Variants in ZNF423 observed in about 807,000 individuals in gnomAD.
ZNF423 encodes Ebf-associated zinc finger protein.
In ZNF423, 12 loss-of-function variants were observed where a neutral mutation model predicts 95.8. The observed-to-expected ratio is 0.13, with a 90% CI of 0.08 to 0.20. The LOEUF is 0.20. Among genes scored for constraint, ZNF423 ranks in the 10% least tolerant of loss-of-function variants. The pLI, the probability that ZNF423 is intolerant of heterozygous loss-of-function variation, is 1.00. For synonymous variants in ZNF423, 749 were observed against 711.9 expected, an observed-to-expected ratio of 1.05 and a Z score of -0.83; for missense variants, 1,316 against 1,737.1, an observed-to-expected ratio of 0.76 and a Z score of 4.31.
At chr16:49,727,900 C>T (rs916807833) in intron 3 of ZNF423, among the ~76,000 whole-genome samples, 4 of 152,208 alleles carry the variant, frequency 2.6e-5, no homozygotes, top group Non-Finnish European at 5.9e-5. Context: ...GTCCAGCAGA[C>T]CCATCAGCCT....
chr16:49,727,793 A>T (rs2033063531), intron 3 of ZNF423, among the ~76,000 whole-genome samples: 1 of 152,152 alleles, frequency 6.6e-6, no homozygotes, highest in African/African-American at 2.4e-5. Flanking sequence ...TCCTACAGAA[A>T]CATCTGCAGG....
At chr16:49,617,626 C>T (rs34994871) in intron 5 of ZNF423, among the ~76,000 whole-genome samples, 7,424 of 152,232 alleles carry the variant, frequency 0.049, 225 homozygotes, top group Non-Finnish European at 0.07. Flanking sequence ...CTGGATCTCT[C>T]TCCCGAACCT....
At chr16:49,622,799 GGGAACTAGT>G (rs1370867233) in intron 5 of ZNF423, among the ~76,000 whole-genome samples, 1 of 152,192 alleles carries the variant, frequency 6.6e-6, no homozygotes, top group Non-Finnish European at 1.5e-5. Flanking sequence ...CTGTCAGATG[GGGAACTAGT>G]GCCCATGTAA....
chr16:49,750,004 T>A (rs1433029508), intron 2 of ZNF423, among the ~76,000 whole-genome samples: 1 of 152,204 alleles, frequency 6.6e-6, no homozygotes, highest in Non-Finnish European at 1.5e-5. Context: ...AAGGGCCATG[T>A]GGTGGAGAGT....
intron 4 of ZNF423, among the ~76,000 whole-genome samples, chr16:49,627,414 C>T (rs1409855550): frequency 1.5e-4 from 22 of 150,514 alleles, no homozygotes; most frequent in Admixed American, 1.5e-3. Context: ...CTCCACCCAT[C>T]CATCCATCCT....
chr16:49,601,306 G>A (rs148199803), intron 5 of ZNF423, among the ~76,000 whole-genome samples: 69 of 152,296 alleles, frequency 4.5e-4, no homozygotes, highest in African/African-American at 1.6e-3. Flanking sequence ...CTTCACCTCT[G>A]TATTCCTCAA....
chr16:49,798,518 C>T (rs189528712), intron 1 of ZNF423, among the ~76,000 whole-genome samples: 1 of 152,110 alleles, frequency 6.6e-6, no homozygotes, highest in Admixed American at 6.5e-5. Flanking sequence ...AGAAACAAAA[C>T]AAAATAAAAA....
Position 49,600,756 on chromosome 16 carries a change from G to C in ZNF423, c.3601+25414C>G, listed in dbSNP as rs149061915. On this transcript the variant is annotated intron_variant, in intron 5 of 7. Coordinates refer to ENST00000563137, the MANE Select transcript of ZNF423 (RefSeq NM_001379286.1). Reference sequence around the variant, plus strand: ...CCATTAGCTCGTAATGGCCCCGAAGGCTCCCTCGGCCACAGACCCAGGCCG... The same window carrying C: ...CCATTAGCTCGTAATGGCCCCGAAGCCTCCCTCGGCCACAGACCCAGGCCG... Among the ~76,000 whole-genome samples, 1,150 of 152,274 alleles carry C rather than the reference G, an allele frequency of 7.6e-3. 16 individuals are homozygous for C. The highest frequency in any genetic ancestry group is 0.026 in the African/African-American group (1,099 of 41,550).
chr16:49,656,190 A>G (rs1483235389), intron 3 of ZNF423, among the ~76,000 whole-genome samples: 2 of 152,188 alleles, frequency 1.3e-5, no homozygotes, highest in African/African-American at 2.4e-5. Context: ...ATGCAGACAG[A>G]GGAAGCTCTC....
chr16:49,631,724 G>C lies in ZNF423; in HGVS notation c.3516+3936C>G, dbSNP rs765619396. Among the ~76,000 whole-genome samples the C allele has an allele frequency of 4.6e-5, 7 of 152,220 alleles. 1 individual carries two copies. The South Asian group carries it at 6.2e-4, about 14-fold the overall frequency. On this transcript the variant is annotated intron_variant, in intron 4 of 7. Coordinates refer to ENST00000563137, the MANE Select transcript of ZNF423 (RefSeq NM_001379286.1). Reference sequence around the variant, plus strand: ...CAAGACAGGAAGGAGAGAAGGAAAAGCCAGCCAGAGCTGTTATATTTCCAT... The same window carrying C: ...CAAGACAGGAAGGAGAGAAGGAAAACCCAGCCAGAGCTGTTATATTTCCAT...
chr16:49,631,921 C>T (rs920301983), intron 4 of ZNF423, among the ~76,000 whole-genome samples: 5 of 152,166 alleles, frequency 3.3e-5, no homozygotes, highest in African/African-American at 1.2e-4. Flanking sequence ...AACTGGAATT[C>T]GATGCCCACT....
intron 7 of ZNF423, among the ~76,000 whole-genome samples, chr16:49,508,684 G>C (rs1214257432): frequency 3.9e-5 from 6 of 152,084 alleles, no homozygotes; most frequent in Non-Finnish European, 8.8e-5. Flanking sequence ...TATGTGAGGA[G>C]AGACCGGGTT....
At chr16:49,595,302 C>T (rs1045838296) in intron 5 of ZNF423, among the ~76,000 whole-genome samples, 2 of 152,236 alleles carry the variant, frequency 1.3e-5, no homozygotes, top group African/African-American at 4.8e-5. Context: ...CCTGGACATA[C>T]TTCAGTGGCT....
intron 7 of ZNF423, among the ~76,000 whole-genome samples, chr16:49,522,043 C>T (rs1380078031): frequency 6.6e-6 from 1 of 152,224 alleles, no homozygotes; most frequent in Non-Finnish European, 1.5e-5. Context: ...ACCACTGTGG[C>T]CATTCAAGTG....
intron 7 of ZNF423, among the ~76,000 whole-genome samples, chr16:49,505,841 C>G (rs6500228): frequency 4.6e-5 from 7 of 152,034 alleles, no homozygotes; most frequent in Admixed American, 4.6e-4. Context: ...TCAAATGCCT[C>G]GTCTGCCCTC....
intron 5 of ZNF423, among the ~76,000 whole-genome samples, chr16:49,621,788 G>A (rs879944698): frequency 1.4e-4 from 22 of 152,152 alleles, no homozygotes; most frequent in Non-Finnish European, 2.8e-4. Context: ...GGCCTGCAGT[G>A]TCTGCCTCTC....
chr16:49,709,168 TTA>T lies in ZNF423; in HGVS notation c.301+21601_301+21602del, dbSNP rs534895949. Among the ~76,000 whole-genome samples, 21 of 93,326 alleles carry T rather than the reference TTA, an allele frequency of 2.3e-4. No individual in the cohort carries two copies. The East Asian group carries it at 2.9e-3, about 13-fold the overall frequency. 61.2% of individuals were successfully genotyped at this position (93,326 alleles called of 152,430 possible). A position where few individuals can be genotyped will look rare whatever the true frequency, so the allele number is the denominator to read the frequency against. On this transcript the variant is annotated intron_variant, in intron 3 of 7. Transcript: ENST00000563137. ...AAAAACTCAAACGTTCAGCAGCCGT[TTA>T]TATATATATATATGAAAACGGAGCT...
chr16:49,756,033 C>T (rs2033720374), intron 2 of ZNF423, among the ~76,000 whole-genome samples: 1 of 152,146 alleles, frequency 6.6e-6, no homozygotes, highest in South Asian at 2.1e-4. Context: ...AGACTGAAAG[C>T]CAGGCTGAGT....
intron 3 of ZNF423, among the ~76,000 whole-genome samples, chr16:49,652,353 G>GA (rs5816651): frequency 0.012 from 1,755 of 148,096 alleles, 26 homozygotes; most frequent in African/African-American, 0.03. Context: ...TAGGAAAGGG[G>GA]AAAAAAAAAA....
Sources: allele counts gnomAD v4.1 joint callset (sites outside exome capture counted in the v4.1 genomes callset), GRCh38; gene constraint gnomAD v4.1.1; transcripts MANE v1.5; gene names NCBI Gene and HGNC (gene_info 2026-07-23, HGNC 2026-07-21).